The following GDA variants were observed in gnomAD, a reference collection of about 807,000 sequenced individuals.
The protein encoded by GDA is guanine deaminase.
Under a neutral mutation model 59.6 loss-of-function variants are expected in GDA, and 18 were observed. That is an observed-to-expected ratio of 0.30 (90% CI 0.21 to 0.45). The LOEUF is 0.45. GDA is among the 20% of genes least tolerant of loss of function. The probability of loss-of-function intolerance (pLI) is 1.00; values close to 1 mark genes in which losing one functional copy is unlikely to be tolerated. For synonymous variants in GDA, 201 were observed against 201.1 expected, an observed-to-expected ratio of 1.00 and a Z score of 0.00; for missense variants, 427 against 552.3, an observed-to-expected ratio of 0.77 and a Z score of 2.27.
At chr9:72,227,071 T>C (rs1564131788) in intron 8 of GDA, among the ~76,000 whole-genome samples, 2 of 152,116 alleles carry the variant, frequency 1.3e-5, no homozygotes, top group African/African-American at 4.8e-5. Flanking sequence ...AGAGTCGAGA[T>C]TGCGCCACTG....
chr9:72,229,259 G>A lies in GDA; in HGVS notation c.920+1219G>A, dbSNP rs985778251. On this transcript the variant is annotated intron_variant, in intron 9 of 13. Transcript: ENST00000358399. ...CCAGCTACTCGTGAGGCTGAGGCAG[G>A]AGAATGGCATGAACCCGAGAGGCGG... 1.2e-4 allele frequency: 19 copies of A among 154,622 alleles called. 1 individual carries two copies. Among genetic ancestry groups the A allele is most frequent in the Middle Eastern group, 3.1e-3 (1 of 324 alleles). The allele number at this position is 154,622 out of a possible 1,614,324, so 9.6% of individuals were successfully genotyped here.
At chr9:72,176,916 C>G (rs567427516) in intron 1 of GDA, among the ~76,000 whole-genome samples, 285 of 152,174 alleles carry the variant, frequency 1.9e-3, no homozygotes, top group African/African-American at 6.6e-3. Context: ...GTTTATCCTT[C>G]CAGAACTGAA....
rs1349329993 is a variant in GDA at position 72,248,579 on chromosome 9, A to T, written c.*237A>T. 1 of 1,298,118 alleles carries T rather than the reference A, an allele frequency of 7.7e-7. No individual in the cohort carries two copies. The highest frequency in any genetic ancestry group is 1.5e-5 in the African/African-American group (1 of 66,912). 80.4% of individuals were successfully genotyped at this position (1,298,118 alleles called of 1,614,324 possible). ...AATATCTCCCTTTGGAGCTGCTCAG[A>T]CTTACTTTAAGCTCAAACAGAAGGG... On this transcript the variant is annotated 3_prime_UTR_variant, in exon 14 of 14. Coordinates refer to ENST00000358399, the MANE Select transcript of GDA (RefSeq NM_004293.5).
chr9:72,183,196 G>T (rs1831460628), intron 1 of GDA, among the ~76,000 whole-genome samples: 1 of 152,158 alleles, frequency 6.6e-6, no homozygotes, highest in South Asian at 2.1e-4. Flanking sequence ...GATAAAGCTA[G>T]TATGTGTGTG....
intron 3 of GDA, among the ~76,000 whole-genome samples, chr9:72,209,019 G>A (rs762553023): frequency 6.6e-5 from 10 of 151,048 alleles, no homozygotes; most frequent in Non-Finnish European, 1.3e-4. Flanking sequence ...GAATTTGAAG[G>A]CATTGTTCTG....
intron 3 of GDA, among the ~76,000 whole-genome samples, chr9:72,204,668 G>T (rs1383466312): frequency 6.6e-6 from 1 of 152,278 alleles, no homozygotes; most frequent in East Asian, 1.9e-4. Context: ...AATATATATT[G>T]TAAAGATTCT....
Position 72,248,339 on chromosome 9 carries a change from G to A in GDA, c.1362G>A (p.Val454=). The change falls in exon 14 of 14, where the codon GTG becomes GTA. Residue 454 remains valine, a synonymous_variant. Coordinates refer to ENST00000358399, the MANE Select transcript of GDA (RefSeq NM_004293.5). ...AGGTGGTTCCGTTTTCCAGCTCAGT[G>A]TAAGACCCTCGGGCGTCTACAAAGT... ...GKQVVPFSSS[V] 1 of 1,613,608 alleles carries A rather than the reference G, an allele frequency of 6.2e-7. No individual in the cohort carries two copies. The highest frequency in any genetic ancestry group is 8.5e-7 in the Non-Finnish European group (1 of 1,179,544).
upstream of GDA, among the ~76,000 whole-genome samples, chr9:72,145,474 T>C (rs896443031): frequency 3.9e-5 from 6 of 152,216 alleles, no homozygotes; most frequent in South Asian, 2.1e-4. Flanking sequence ...ATAGGGTTGT[T>C]GAGAGGCTCA....
At chr9:72,126,265 C>A (rs1825844735) in intron 1 of GDA, among the ~76,000 whole-genome samples, 1 of 152,152 alleles carries the variant, frequency 6.6e-6, no homozygotes, top group Admixed American at 6.6e-5. Flanking sequence ...ACGATATTTT[C>A]TTTATTATAG....
At chr9:72,236,776 ATTTTTTTTT>A (rs201065067) in intron 10 of GDA, among the ~76,000 whole-genome samples, 1 of 101,466 alleles carries the variant, frequency 9.9e-6, no homozygotes, top group Non-Finnish European at 2.0e-5. Flanking sequence ...AACCACTCCT[ATTTTTTTTT>A]TTTTTTTTTT....
intron 1 of GDA, among the ~76,000 whole-genome samples, chr9:72,177,102 T>C (rs1413715077): frequency 3.5e-5 from 5 of 144,588 alleles, no homozygotes; most frequent in East Asian, 2.0e-4. Context: ...CTTTTTTTTT[T>C]TTTTTTTTTT....
chr9:72,181,449 G>A (rs192091301), intron 1 of GDA, among the ~76,000 whole-genome samples: 18 of 151,926 alleles, frequency 1.2e-4, no homozygotes, highest in African/African-American at 3.4e-4. Context: ...CTCAGCCTCC[G>A]GAGTAACTGG....
rs1375597367 is a variant in GDA at position 72,249,239 on chromosome 9, T to C, written c.*897T>C. 1 of 985,140 alleles carries C rather than the reference T, an allele frequency of 1.0e-6. No homozygotes were observed. The highest frequency in any genetic ancestry group is 1.2e-6 in the Non-Finnish European group (1 of 829,780). The allele number at this position is 985,140 out of a possible 1,614,324, so 61.0% of individuals were successfully genotyped here. On this transcript the variant is annotated 3_prime_UTR_variant, in exon 14 of 14. Coordinates refer to ENST00000358399, the MANE Select transcript of GDA (RefSeq NM_004293.5). The stretch of plus-strand genomic sequence containing the variant: ...AGTCTTCGTGAACTGGGGCAAATGC[T>C]GGCATCCAGGAGCCGCCAATACTAA...
chr9:72,215,524 G>A (rs1835996707), intron 5 of GDA, among the ~76,000 whole-genome samples: 1 of 152,118 alleles, frequency 6.6e-6, no homozygotes, highest in Non-Finnish European at 1.5e-5. Context: ...TCTCCACAAA[G>A]GTGACCTGAA....
chr9:72,239,931 CAT>C (rs557557573), intron 10 of GDA, among the ~76,000 whole-genome samples: 71 of 152,152 alleles, frequency 4.7e-4, no homozygotes, highest in African/African-American at 1.7e-3. Flanking sequence ...GTTTTGGCAA[CAT>C]ATATAGAGGC....
intron 7 of GDA, among the ~76,000 whole-genome samples, chr9:72,224,134 G>A (rs78985621): frequency 0.017 from 2,630 of 152,068 alleles, 67 homozygotes; most frequent in African/African-American, 0.06. Context: ...TGCTTCTGTC[G>A]CCGACAAAAT....
intron 1 of GDA, among the ~76,000 whole-genome samples, chr9:72,138,612 G>A (rs1476715403): frequency 6.6e-6 from 1 of 152,204 alleles, no homozygotes; most frequent in East Asian, 1.9e-4. Context: ...GCTCCTCACA[G>A]AGCCCCATGA....
At chr9:72,155,845 A>T (rs541119909) in intron 1 of GDA, among the ~76,000 whole-genome samples, 1 of 152,318 alleles carries the variant, frequency 6.6e-6, no homozygotes, top group African/African-American at 2.4e-5. Flanking sequence ...CTTATTACCT[A>T]TGTGAATTTG....
intron 1 of GDA, among the ~76,000 whole-genome samples, chr9:72,150,853 A>G (rs1019115640): frequency 2.0e-5 from 3 of 152,178 alleles, no homozygotes; most frequent in Non-Finnish European, 2.9e-5. Context: ...GAGCTCTCCC[A>G]GGGAGATTCC....
Sources: allele counts gnomAD v4.1 joint callset (sites outside exome capture counted in the v4.1 genomes callset), GRCh38; gene constraint gnomAD v4.1.1; transcripts MANE v1.5; gene names NCBI Gene and HGNC (gene_info 2026-07-23, HGNC 2026-07-21).